Variants in KIF26A observed in about 807,000 individuals in gnomAD.
The protein encoded by KIF26A is kinesin-like protein KIF26A.
A neutral mutation model predicts 126.0 loss-of-function variants in KIF26A; 74 were observed. The ratio of observed to expected loss-of-function variants is 0.59; its 90% CI spans 0.49 to 0.71. The LOEUF (loss-of-function observed/expected upper bound fraction) is 0.71. KIF26A is among the 30% of genes least tolerant of loss of function. The probability of loss-of-function intolerance (pLI) is 0.00; values close to 1 mark genes in which losing one functional copy is unlikely to be tolerated. For missense variants in KIF26A, 2,984 were observed against 2,763.3 expected (o/e 1.08, Z -1.79); for synonymous variants, 1,445 against 1,232.7 (o/e 1.17, Z -3.61).
chr14:104,170,685 C>T (rs114861004), intron 5 of KIF26A, among the ~76,000 whole-genome samples: 1,989 of 152,340 alleles, frequency 0.013, 39 homozygotes, highest in African/African-American at 0.046. Flanking sequence ...CCCTCGTGTG[C>T]GCAGCCTCTG....
intron 3 of KIF26A, among the ~76,000 whole-genome samples, chr14:104,157,225 G>A (rs1020033723): frequency 6.6e-6 from 1 of 152,216 alleles, no homozygotes; most frequent in Non-Finnish European, 1.5e-5. Context: ...TTGAGCTAAT[G>A]AGTTGGAAAT....
Position 104,172,975 on chromosome 14 carries a change from A to C in KIF26A, c.1421-2A>C. The C allele has an allele frequency of 6.3e-7, 1 of 1,585,480 alleles. No individual in the cohort carries two copies. The highest frequency in any genetic ancestry group is 1.7e-5 in the Admixed American group (1 of 58,868). ...GGGGCCTGACGCCTGCGTGGCCCCC[A>C]GGCAAGTCGTACACCATGATCGGGA... On this transcript the variant is annotated splice_acceptor_variant, in intron 7 of 14. Transcript: ENST00000423312. LOFTEE classifies it high-confidence loss of function.
Position 104,179,330 on chromosome 14 carries a change from A to G in KIF26A, c.5411A>G (p.Glu1804Gly). The stretch of plus-strand genomic sequence containing the variant: ...GCCAAGCACAAGCACCTGTGTGAGG[A>G]GCTGGCCGAGACCCAGGGCCGGCTG... ...VQAKHKHLCE[E>G]LAETQGRLML... Residue 1804 changes from glutamate (E) to glycine (G), a missense_variant, in exon 14 of 15, where the codon GAG becomes GGG. Physicochemically the swap from Glu to Gly is moderately conservative, Grantham distance 98. Coordinates refer to ENST00000423312, the MANE Select transcript of KIF26A (RefSeq NM_015656.2). 2 of 1,540,462 alleles carry G rather than the reference A, an allele frequency of 1.3e-6. No homozygotes were observed. Among genetic ancestry groups the G allele is most frequent in the Non-Finnish European group, 1.7e-6 (2 of 1,146,434 alleles).
rs773322184 is a variant in KIF26A at position 104,151,993 on chromosome 14, CT to C, written c.289-19del. On this transcript the variant is annotated intron_variant, in intron 2 of 14. Coordinates refer to ENST00000423312, the MANE Select transcript of KIF26A (RefSeq NM_015656.2). The surrounding 1 kb of genome is among the most constrained non-coding windows in gnomAD (Gnocchi z 4.9). ...CTCCCTCCCCAGGCACTGACCCTGCCTTTGTCCCTTGCTGTCCTCAGGATCC... is the reference window on the plus strand; with the variant it reads ...CTCCCTCCCCAGGCACTGACCCTGCCTTGTCCCTTGCTGTCCTCAGGATCC... 2 of 1,611,060 alleles carry C rather than the reference CT, an allele frequency of 1.2e-6. No homozygotes were observed. Among genetic ancestry groups the C allele is most frequent in the Non-Finnish European group, 1.7e-6 (2 of 1,178,354 alleles).
intron 5 of KIF26A, among the ~76,000 whole-genome samples, chr14:104,169,896 C>T (rs1250046643): frequency 1.2e-4 from 19 of 152,242 alleles, no homozygotes; most frequent in Admixed American, 1.2e-3. Flanking sequence ...AAGACCCTGT[C>T]ATTTCCCTGC....
intron 4 of KIF26A, among the ~76,000 whole-genome samples, chr14:104,165,043 A>ATGTGTGTC (rs2141106815): frequency 7.4e-6 from 1 of 135,030 alleles, no homozygotes; most frequent in South Asian, 2.4e-4. Flanking sequence ...CTGTATGTGT[A>ATGTGTGTC]TGTGTGTCTG....
intron 4 of KIF26A, among the ~76,000 whole-genome samples, chr14:104,166,028 G>A (rs368340980): frequency 6.6e-6 from 1 of 152,152 alleles, no homozygotes; most frequent in Admixed American, 6.5e-5. Flanking sequence ...GTTCCCTGGG[G>A]GCACTGTGGG....
At chr14:104,172,817 G>A in intron 7 of KIF26A, 149 bp downstream of exon 7, 2 of 1,148,510 alleles carry the variant, frequency 1.7e-6, no homozygotes, top group South Asian at 1.6e-5. Flanking sequence ...CTTGTGGAGA[G>A]GAAGCTGAAC....
intron 4 of KIF26A, among the ~76,000 whole-genome samples, chr14:104,164,299 C>T (rs575123825): frequency 1.2e-3 from 165 of 142,822 alleles, no homozygotes; most frequent in African/African-American, 3.7e-3. Context: ...CAGGGTGGGT[C>T]GGGGGAGCGC....
intron 6 of KIF26A, 142 bp downstream of exon 6, chr14:104,172,077 C>T (rs887201925): frequency 1.8e-5 from 14 of 790,696 alleles, no homozygotes; most frequent in South Asian, 1.1e-4. Context: ...CGGCGCCTGC[C>T]TGCTTACCTC....
At chr14:104,160,424 T>TC (rs1206266489) in intron 4 of KIF26A, among the ~76,000 whole-genome samples, 9 of 152,034 alleles carry the variant, frequency 5.9e-5, no homozygotes, top group Admixed American at 2.6e-4. Flanking sequence ...TGTGGAGTGA[T>TC]CCCATGGGTG....
Position 104,175,107 on chromosome 14 carries a change from G to T in KIF26A, c.2319G>T (p.Leu773=), listed in dbSNP as rs867469860. The T allele has an allele frequency of 1.2e-6, 2 of 1,604,610 alleles. No individual in the cohort carries two copies. The highest frequency in any genetic ancestry group is 3.3e-4 in the Middle Eastern group (2 of 6,062). ...ALDPDRTPPC[L]PGDPDYSSSS... ...ACCCCGACCGCACGCCTCCCTGCCT[G>T]CCCGGTGACCCCGATTACTCCTCCA... is the stretch of plus-strand genomic sequence containing the variant. The change falls in exon 12 of 15, where the codon CTG becomes CTT. Residue 773 remains leucine (L), a synonymous_variant. Transcript: ENST00000423312.
chr14:104,153,719 T>C (rs1270687407), intron 3 of KIF26A, among the ~76,000 whole-genome samples: 14 of 152,174 alleles, frequency 9.2e-5, no homozygotes, highest in Admixed American at 9.2e-4. Flanking sequence ...GGAGGAGGTC[T>C]CATTGAGCTG....
At chr14:104,142,402 C>T (rs1302171888) in intron 2 of KIF26A, among the ~76,000 whole-genome samples, 4 of 152,182 alleles carry the variant, frequency 2.6e-5, no homozygotes, top group East Asian at 1.9e-4. Context: ...CTGACTACTT[C>T]AGGACCCCCA....
At chr14:104,167,638 G>A (rs561624817) in intron 5 of KIF26A, among the ~76,000 whole-genome samples, 15 of 152,154 alleles carry the variant, frequency 9.9e-5, no homozygotes, top group Non-Finnish European at 1.6e-4. Context: ...TCCGAGTCTC[G>A]GAGAAATACC....
intron 2 of KIF26A, among the ~76,000 whole-genome samples, chr14:104,150,605 T>C (rs2037720180): frequency 6.6e-6 from 1 of 152,124 alleles, no homozygotes; most frequent in Non-Finnish European, 1.5e-5. Flanking sequence ...GTGGGGTGAC[T>C]AAGACACCCC....
intron 12 of KIF26A, 27 bp from the exon 13 acceptor site, chr14:104,178,523 C>T: frequency 1.4e-6 from 2 of 1,424,630 alleles, no homozygotes; most frequent in South Asian, 1.5e-5. Context: ...CGCCTCTGTT[C>T]ACCCTGTGCC....
At chr14:104,150,326 GC>G (rs1260777011) in intron 2 of KIF26A, among the ~76,000 whole-genome samples, 1 of 151,642 alleles carries the variant, frequency 6.6e-6, no homozygotes, top group Non-Finnish European at 1.5e-5. Flanking sequence ...GACGCGCCAG[GC>G]ACTTCAGAGG....
At position 104,177,284 on chromosome 14, in the gene KIF26A, A is replaced by T. The variant is rs758868303; in HGVS notation, c.4496A>T (p.Lys1499Met). 12 of 1,587,518 alleles carry T rather than the reference A, an allele frequency of 7.6e-6. No individual in the cohort carries two copies. Among genetic ancestry groups the T allele is most frequent in the Admixed American group, 1.7e-5 (1 of 57,412 alleles). ...CCCAAGCCCCCTGTTGGTGGAGGCA[A>T]GGGCCGTGGCCTAGTGGCTGGTGGG... ...GAPKPPVGGG[K>M]GRGLVAGGSR... Residue 1499 changes from lysine (K) to methionine (M), a missense_variant, in exon 12 of 15, where the codon AAG (lysine) becomes ATG (methionine). Coordinates refer to ENST00000423312, the MANE Select transcript of KIF26A (RefSeq NM_015656.2).
Sources: gnomAD v4.1 joint callset for allele counts (sites outside exome capture counted in the v4.1 genomes callset) on GRCh38, gnomAD v4.1.1 for gene constraint, Gnocchi (gnomAD v3.1) non-coding constraint, MANE v1.5 for transcripts, NCBI Gene and HGNC (gene_info 2026-07-23, HGNC 2026-07-21) for gene names.